The following MICU3 variants were observed in gnomAD, a reference collection of about 807,000 sequenced individuals.
The protein encoded by MICU3 is calcium uptake protein 3, mitochondrial.
MICU3 carries 62 observed loss-of-function variants against 66.5 expected under a neutral mutation model. That is an observed-to-expected ratio of 0.93 (90% confidence interval 0.76 to 1.15). The LOEUF (loss-of-function observed/expected upper bound fraction) is 1.15. Among genes scored for constraint, MICU3 ranks in the 50% most tolerant of loss-of-function variants. MICU3 has a pLI of 0.00. For missense variants in MICU3, 779 were observed against 664.4 expected, an observed-to-expected ratio of 1.17 and a Z score of -1.90; for synonymous variants, 308 against 240.7, an observed-to-expected ratio of 1.28 and a Z score of -2.59.
chr8:17,029,367 T>C (rs1418137497), intron 1 of MICU3, among the ~76,000 whole-genome samples: 2 of 151,870 alleles, frequency 1.3e-5, no homozygotes, highest in African/African-American at 4.8e-5. Flanking sequence ...TCCCAGCTAC[T>C]GGCAAGGCTG....
rs1047983293 is a variant in MICU3, at chr8:17,120,856, C to T, written c.*569C>T. On this transcript the variant is annotated 3_prime_UTR_variant, in exon 15 of 15. Transcript: ENST00000318063. ...AGCTACTATATAAAACAATTGTTTA[C>T]GTGTACTTTTAACTTTTAAAAGTAC... 2 of 152,334 alleles carry T rather than the reference C, an allele frequency of 1.3e-5. No homozygotes were observed. The highest frequency in any genetic ancestry group is 4.8e-5 in the African/African-American group (2 of 41,414). The allele number at this position is 152,334 out of a possible 1,614,324, so 9.4% of individuals were successfully genotyped here. A position where few individuals can be genotyped will look rare whatever the true frequency, so the allele number is the denominator to read the frequency against.
At chr8:17,028,842 G>A (rs965975492) in intron 1 of MICU3, among the ~76,000 whole-genome samples, 8 of 152,028 alleles carry the variant, frequency 5.3e-5, no homozygotes, top group Non-Finnish European at 1.2e-4. Context: ...GGAGCATAGC[G>A]TTTTTCATGA....
At position 17,027,384 on chromosome 8, in the gene MICU3, C is replaced by T. The variant is rs773260307; in HGVS notation, c.105C>T (p.Thr35=). The T allele has an allele frequency of 1.7e-5, 25 of 1,454,862 alleles. No individual in the cohort carries two copies. Among genetic ancestry groups the T allele is most frequent in the Non-Finnish European group, 2.0e-5 (22 of 1,113,050 alleles). 90.1% of individuals were successfully genotyped at this position (1,454,862 alleles called of 1,614,324 possible). A position where few individuals can be genotyped will look rare whatever the true frequency, so the allele number is the denominator to read the frequency against. ...CGTGGGGGCGGCCTGCGGTGACCAC[C>T]CTGGGCCTTCCTGGCCGGCCCTTCT... ...LGPWGRPAVT[T]LGLPGRPFSS... Residue 35 remains threonine (T), a synonymous_variant, in exon 1 of 15, where the codon ACC becomes ACT. Transcript: ENST00000318063.
intron 1 of MICU3, among the ~76,000 whole-genome samples, chr8:17,032,520 G>A (rs78289982): frequency 1.5e-3 from 222 of 152,198 alleles, no homozygotes; most frequent in African/African-American, 5.1e-3. Context: ...ACTGTGGAGT[G>A]GAAAACTAGT....
chr8:17,038,973 A>G (rs1187673356), intron 1 of MICU3, among the ~76,000 whole-genome samples: 2 of 151,208 alleles, frequency 1.3e-5, no homozygotes, highest in South Asian at 2.1e-4. Flanking sequence ...AAAAATAAAT[A>G]AATAATAAAT....
chr8:17,050,078 C>A (rs534828018), intron 1 of MICU3, among the ~76,000 whole-genome samples: 1 of 152,018 alleles, frequency 6.6e-6, no homozygotes, highest in Non-Finnish European at 1.5e-5. Context: ...TCTATTTTTT[C>A]ACTATTGGAA....
chr8:17,045,940 G>A (rs190681220), intron 1 of MICU3, among the ~76,000 whole-genome samples: 96 of 152,270 alleles, frequency 6.3e-4, no homozygotes, highest in Middle Eastern at 3.4e-3. Flanking sequence ...GGTCCCTCCC[G>A]TGACATGTGG....
chr8:17,063,195 T>A (rs1176620434), intron 1 of MICU3, among the ~76,000 whole-genome samples: 1 of 152,164 alleles, frequency 6.6e-6, no homozygotes, highest in African/African-American at 2.4e-5. Context: ...ATTCTATCTA[T>A]AAATTTTTAG....
At chr8:17,132,058 C>G in the MICU3 span, 1 of 152,296 alleles carries the variant, frequency 6.6e-6, no homozygotes, top group Middle Eastern at 3.4e-3. Context: ...ACAATCATTG[C>G]ATACAGTGCT....
intron 1 of MICU3, among the ~76,000 whole-genome samples, chr8:17,035,005 T>C (rs1461697181): frequency 6.6e-6 from 1 of 152,172 alleles, no homozygotes; most frequent in African/African-American, 2.4e-5. Context: ...GGTGATTGAA[T>C]CATGGGGGCT....
At chr8:17,031,275 T>TTAC (rs1554502354) in intron 1 of MICU3, among the ~76,000 whole-genome samples, 51 of 147,052 alleles carry the variant, frequency 3.5e-4, no homozygotes, top group African/African-American at 1.3e-3. Flanking sequence ...ATTATTATTA[T>TTAC]TATTATTATT....
At chr8:17,031,027 G>C (rs1811941198) in intron 1 of MICU3, among the ~76,000 whole-genome samples, 1 of 151,962 alleles carries the variant, frequency 6.6e-6, no homozygotes, top group South Asian at 2.1e-4. Context: ...AGGGGAAGAA[G>C]ATGTTGAAAT....
intron 8 of MICU3, among the ~76,000 whole-genome samples, chr8:17,095,668 C>T (rs1248329605): frequency 1.3e-5 from 2 of 151,872 alleles, no homozygotes; most frequent in African/African-American, 2.4e-5. Flanking sequence ...TTCTGCTTAG[C>T]ACAGTGATAT....
chr8:17,032,060 G>A (rs1812169211), intron 1 of MICU3, among the ~76,000 whole-genome samples: 1 of 152,192 alleles, frequency 6.6e-6, no homozygotes, highest in Non-Finnish European at 1.5e-5. Flanking sequence ...GAATAAATAA[G>A]CTCATGCTAA....
At chr8:17,111,551 A>G (rs915317539) in intron 11 of MICU3, among the ~76,000 whole-genome samples, 5 of 151,866 alleles carry the variant, frequency 3.3e-5, no homozygotes, top group African/African-American at 1.2e-4. Context: ...ATCTATTTTT[A>G]TTTTGTTCCT....
chr8:17,105,646 C>T (rs1179617596), intron 11 of MICU3, 62 bp downstream of exon 11: 1 of 950,118 alleles, frequency 1.1e-6, no homozygotes, highest in Non-Finnish European at 1.5e-6. Flanking sequence ...CTCTAAAACA[C>T]ATTGCCCTTT....
At chr8:17,056,702 A>G (rs182709555) in intron 1 of MICU3, among the ~76,000 whole-genome samples, 1 of 152,350 alleles carries the variant, frequency 6.6e-6, no homozygotes, top group African/African-American at 2.4e-5. Context: ...AGTCTAAGGT[A>G]TGCTATCACA....
intron 7 of MICU3, among the ~76,000 whole-genome samples, 154 bp from the exon 8 acceptor site, chr8:17,090,392 C>T (rs1236811453): frequency 6.6e-6 from 1 of 151,940 alleles, no homozygotes; most frequent in Non-Finnish European, 1.5e-5. Flanking sequence ...ACATTTATCC[C>T]ACTTGTATTG....
the MICU3 span, chr8:17,132,209 A>C: frequency 2.0e-5 from 3 of 152,234 alleles, no homozygotes; most frequent in Admixed American, 6.5e-5. Context: ...GGAAAATGTG[A>C]GCATATATAC....
Sources: allele counts gnomAD v4.1 joint callset (sites outside exome capture counted in the v4.1 genomes callset), GRCh38; gene constraint gnomAD v4.1.1; transcripts MANE v1.5; gene names NCBI Gene and HGNC (gene_info 2026-07-23, HGNC 2026-07-21).